PCDHGA1: variants seen among roughly 807,000 people sequenced by gnomAD.
PCDHGA1 encodes the protein protocadherin gamma-A1.
A neutral mutation model predicts 58.0 loss-of-function variants in PCDHGA1; 32 were observed. That is an observed-to-expected ratio of 0.55 (90% CI 0.42 to 0.74). The LOEUF (loss-of-function observed/expected upper bound fraction) is 0.74, where lower values mean the gene tolerates loss of function less well. Ranked by LOEUF, PCDHGA1 falls within the 30% of genes least tolerant of loss-of-function variation. The pLI, the probability that PCDHGA1 is intolerant of heterozygous loss-of-function variation, is 0.00. For synonymous variants in PCDHGA1, 498 were observed against 501.1 expected (o/e 0.99, Z 0.08); for missense variants, 1,205 against 1,182.3 (o/e 1.02, Z -0.28).
At position 141,432,203 on chromosome 5, in the gene PCDHGA1, G is replaced by A. The variant is rs1282888078; in HGVS notation, c.2422-62604G>A. The A allele has an allele frequency of 3.1e-6, 5 of 1,614,062 alleles. No homozygotes were observed. The highest frequency in any genetic ancestry group is 1.3e-5 in the African/African-American group (1 of 74,920). ...TGTGACCGCCCACGACCCCGACTGT[G>A]AAGAGAACGCCCAGATCACTTATTC... On this transcript the variant is annotated intron_variant, in intron 1 of 3. Transcript: ENST00000517417. The surrounding 1 kb of genome is among the most constrained non-coding windows in gnomAD (Gnocchi z 6.0).
At chr5:141,500,215 T>G (rs888740312) in intron 2 of PCDHGA1, among the ~76,000 whole-genome samples, 8 of 150,660 alleles carry the variant, frequency 5.3e-5, no homozygotes, top group African/African-American at 1.9e-4. Context: ...TTTATTTATT[T>G]ATTTATTTAT....
In PCDHGA1 at chr5:141,477,767, A is replaced by G. The variant is rs1178354274; in HGVS notation, c.2422-17040A>G. 6.2e-7 allele frequency: 1 copy of G among 1,613,906 alleles called. No homozygotes were observed. The highest frequency in any genetic ancestry group is 8.5e-7 in the Non-Finnish European group (1 of 1,180,038). On this transcript the variant is annotated intron_variant, in intron 1 of 3. Coordinates refer to ENST00000517417, the MANE Select transcript of PCDHGA1 (RefSeq NM_018912.3). The surrounding 1 kb of genome is among the most constrained non-coding windows in gnomAD (Gnocchi z 4.9). ...GGGCACCCCGGTCCTAGCCACCAAC[A>G]TCAGCGTGAACATATTTGTCACTGA...
rs1756403781 is a variant in PCDHGA1, at chr5:141,332,368, A to G, written c.1684A>G (p.Ile562Val). 1 of 1,614,010 alleles carries G rather than the reference A, an allele frequency of 6.2e-7. No homozygotes were observed. The highest frequency in any genetic ancestry group is 1.7e-5 in the Admixed American group (1 of 59,996). ...GGACCAGAACGACAACGCGCCCGAG[A>G]TCCTGTACCCCGCCCTCCCCACAGA... The part of the protein sequence containing the change: ...LLDQNDNAPE[I>V]LYPALPTDGS... The change falls in exon 1 of 4, where the codon ATC (isoleucine) becomes GTC (valine). Residue 562 changes from isoleucine (I) to valine (V), a missense_variant. Transcript: ENST00000517417. The surrounding 1 kb of genome is among the most constrained non-coding windows in gnomAD (Gnocchi z 4.6).
chr5:141,422,908 C>G, intron 1 of PCDHGA1: 1 of 1,614,244 alleles, frequency 6.2e-7, no homozygotes, highest in Non-Finnish European at 8.5e-7. Flanking sequence ...CGACAATGCG[C>G]CCGAGATCCT....
chr5:141,345,957 C>T (rs1179640117), intron 1 of PCDHGA1: 5 of 1,613,506 alleles, frequency 3.1e-6, no homozygotes, highest in Non-Finnish European at 4.2e-6. Context: ...CAAGCAGAGC[C>T]TCGTGGTGGC....
At chr5:141,355,261 G>A (rs748036295) in intron 1 of PCDHGA1, 4 of 1,613,564 alleles carry the variant, frequency 2.5e-6, no homozygotes, top group Non-Finnish European at 3.4e-6. Context: ...CCTTCTCCTG[G>A]GGGTTCTGGT....
chr5:141,340,193 A>G (rs1756915524), intron 1 of PCDHGA1: 1 of 1,614,068 alleles, frequency 6.2e-7, no homozygotes, highest in Non-Finnish European at 8.5e-7. Flanking sequence ...GGTTACAACC[A>G]GAGCCCTTGA....
At position 141,365,444 on chromosome 5, in the gene PCDHGA1, C is replaced by G. The variant is rs771471249; in HGVS notation, c.2421+32339C>G. 3 of 1,613,872 alleles carry G rather than the reference C, an allele frequency of 1.9e-6. No homozygotes were observed. The highest frequency in any genetic ancestry group is 3.3e-5 in the Admixed American group (2 of 60,006). On this transcript the variant is annotated intron_variant, in intron 1 of 3. Coordinates refer to ENST00000517417, the MANE Select transcript of PCDHGA1 (RefSeq NM_018912.3). ...AACTGTAATCGCGCTGTTTAGCGTACATGATGGTGATTCTGGAGAAAATGG... is the reference window on the plus strand; with the variant it reads ...AACTGTAATCGCGCTGTTTAGCGTAGATGATGGTGATTCTGGAGAAAATGG...
chr5:141,353,400 T>C (rs1407556108), intron 1 of PCDHGA1, among the ~76,000 whole-genome samples: 1 of 152,244 alleles, frequency 6.6e-6, no homozygotes, highest in Admixed American at 6.5e-5. Context: ...GTAATTAATG[T>C]AATCTTCATC....
chr5:141,362,997 G>A (rs1275044345), intron 1 of PCDHGA1, among the ~76,000 whole-genome samples: 1 of 152,256 alleles, frequency 6.6e-6, no homozygotes, highest in African/African-American at 2.4e-5. Context: ...GGCATGGCTT[G>A]TTAATCACAG....
chr5:141,480,887 A>T (rs2099527301), intron 1 of PCDHGA1, among the ~76,000 whole-genome samples: 1 of 152,146 alleles, frequency 6.6e-6, no homozygotes. Flanking sequence ...TCTACTAAAA[A>T]TGCAAACATT....
Position 141,365,565 on chromosome 5 carries a change from G to A in PCDHGA1, c.2421+32460G>A, listed in dbSNP as rs140294664. The A allele has an allele frequency of 1.9e-6, 3 of 1,613,720 alleles. No individual in the cohort carries two copies. The Admixed American group carries it at 5.0e-5, about 27-fold the overall frequency. On this transcript the variant is annotated intron_variant, in intron 1 of 3. Transcript: ENST00000517417. ...CTATTAACAACTAGGGACCTGGACA[G>A]AGAAGAGACTTCAGATTATAATATC...
Position 141,491,819 on chromosome 5 carries a change from G to C in PCDHGA1, c.2422-2988G>C. The C allele has an allele frequency of 6.7e-7, 1 of 1,482,028 alleles. No individual in the cohort carries two copies. Among genetic ancestry groups the C allele is most frequent in the Non-Finnish European group, 9.0e-7 (1 of 1,116,648 alleles). The allele number at this position is 1,482,028 out of a possible 1,614,324, so 91.8% of individuals were successfully genotyped here. A position where few individuals can be genotyped will look rare whatever the true frequency, so the allele number is the denominator to read the frequency against. On this transcript the variant is annotated intron_variant, in intron 1 of 3. Transcript: ENST00000517417. This position sits in a 1 kb window ranked among gnomAD's most constrained non-coding sequence, Gnocchi z 6.9. ...TCCGGCCGGCTTGGTCGCTGGCTGCGCTCCACCCGATTCTCGGGATCATTG... is the reference window on the plus strand; with the variant it reads ...TCCGGCCGGCTTGGTCGCTGGCTGCCCTCCACCCGATTCTCGGGATCATTG...
chr5:141,490,257 T>C lies in PCDHGA1; in HGVS notation c.2422-4550T>C, dbSNP rs2099697852. On this transcript the variant is annotated intron_variant, in intron 1 of 3. Coordinates refer to ENST00000517417, the MANE Select transcript of PCDHGA1 (RefSeq NM_018912.3). The surrounding 1 kb of genome is among the most constrained non-coding windows in gnomAD (Gnocchi z 5.4). ...AGGGCCACTGTGTGATTCAAGTGGATGTGGGGGATGTCAATGACAATGCCC... is the reference window on the plus strand; with the variant it reads ...AGGGCCACTGTGTGATTCAAGTGGACGTGGGGGATGTCAATGACAATGCCC... The C allele has an allele frequency of 6.2e-7, 1 of 1,614,208 alleles. No individual in the cohort carries two copies. Among genetic ancestry groups the C allele is most frequent in the South Asian group, 1.1e-5 (1 of 91,078 alleles).
intron 1 of PCDHGA1, chr5:141,413,621 A>G (rs369411784): frequency 1.0e-4 from 161 of 1,613,784 alleles, no homozygotes; most frequent in Admixed American, 1.5e-4. Flanking sequence ...ATTAATGAAA[A>G]TGTCGCTGCG....
At chr5:141,365,336 A>C in intron 1 of PCDHGA1, 1 of 1,613,998 alleles carries the variant, frequency 6.2e-7, no homozygotes, top group South Asian at 1.1e-5. Flanking sequence ...GGTGGTGGTC[A>C]CAGTACAGGA....
At position 141,404,352 on chromosome 5, in the gene PCDHGA1, G is replaced by A. The variant is rs1378093484; in HGVS notation, c.2421+71247G>A. 1.7e-5 allele frequency: 27 copies of A among 1,613,812 alleles called. No individual in the cohort carries two copies. The South Asian group carries it at 2.9e-4, about 17-fold the overall frequency. On this transcript the variant is annotated intron_variant, in intron 1 of 3. Coordinates refer to ENST00000517417, the MANE Select transcript of PCDHGA1 (RefSeq NM_018912.3). ...GTCTACCTCCCGGAAAACAACGCCAGAGGTACTTCCATCTTCTCCGTGATT... is the reference window on the plus strand; with the variant it reads ...GTCTACCTCCCGGAAAACAACGCCAAAGGTACTTCCATCTTCTCCGTGATT...
chr5:141,356,132 A>G (rs1760120459), intron 1 of PCDHGA1: 1 of 1,613,458 alleles, frequency 6.2e-7, no homozygotes, highest in Non-Finnish European at 8.5e-7. Context: ...GATTATGAGG[A>G]CTCTGGATTC....
At chr5:141,498,967 GGGAGGGAAGGAA>G (rs1374222518) in intron 2 of PCDHGA1, among the ~76,000 whole-genome samples, 13 of 129,674 alleles carry the variant, frequency 1.0e-4, no homozygotes, top group South Asian at 5.5e-4. Context: ...GAGGGAGGGA[GGGAGGGAAGGAA>G]GGAAGGAAGG....
Sources: gnomAD v4.1 joint callset for allele counts (sites outside exome capture counted in the v4.1 genomes callset) on GRCh38, gnomAD v4.1.1 for gene constraint, Gnocchi (gnomAD v3.1) non-coding constraint, MANE v1.5 for transcripts, NCBI Gene and HGNC (gene_info 2026-07-23, HGNC 2026-07-21) for gene names.